LRCH1: variants seen among roughly 807,000 people sequenced by gnomAD.
The protein encoded by LRCH1 is leucine-rich repeat and calponin homology domain-containing protein 1.
In LRCH1, 23 loss-of-function variants were observed where a neutral mutation model predicts 94.9. The observed-to-expected ratio is 0.24, with a 90% CI of 0.17 to 0.34. The LOEUF is 0.34. Ranked by LOEUF, LRCH1 falls within the 10% of genes least tolerant of loss-of-function variation. The probability of loss-of-function intolerance (pLI) is 1.00; values close to 1 mark genes in which losing one functional copy is unlikely to be tolerated. For missense variants in LRCH1, 790 were observed against 945.9 expected, an observed-to-expected ratio of 0.84 and a Z score of 2.16; for synonymous variants, 364 against 354.9, an observed-to-expected ratio of 1.03 and a Z score of -0.29.
At chr13:46,692,719 A>G in intron 8 of LRCH1, 78 bp downstream of exon 8, 1 of 1,038,050 alleles carries the variant, frequency 9.6e-7, no homozygotes, top group South Asian at 1.3e-5. Context: ...GTGCACAGAT[A>G]GGGCAGTGAT....
chr13:46,668,411 TTTAG>T (rs2051550010), intron 2 of LRCH1, among the ~76,000 whole-genome samples: 1 of 152,212 alleles, frequency 6.6e-6, no homozygotes, highest in South Asian at 2.1e-4. Context: ...TTCTTTCTCT[TTTAG>T]TTAGCTCTCT....
intron 1 of LRCH1, among the ~76,000 whole-genome samples, chr13:46,575,053 G>T (rs1301414035): frequency 6.6e-6 from 1 of 152,048 alleles, no homozygotes; most frequent in African/African-American, 2.4e-5. Flanking sequence ...TGGGATAAAT[G>T]AAAAGTTCCA....
chr13:46,620,454 A>C (rs908683927), intron 1 of LRCH1, among the ~76,000 whole-genome samples: 7 of 152,158 alleles, frequency 4.6e-5, no homozygotes, highest in African/African-American at 1.7e-4. Flanking sequence ...GTGCCTTTAT[A>C]TTCAGTTATT....
In LRCH1 at chr13:46,734,141, A is replaced by G. The variant is rs1873253699; in HGVS notation, c.2085+143A>G. The G allele has an allele frequency of 3.0e-5, 13 of 438,472 alleles. No homozygotes were observed. The East Asian group carries it at 4.4e-4, about 15-fold the overall frequency. 27.2% of individuals were successfully genotyped at this position (438,472 alleles called of 1,614,324 possible). A position where few individuals can be genotyped will look rare whatever the true frequency, so the allele number is the denominator to read the frequency against. ...TGAGAAATAATATTGAATAAATTAT[A>G]TAAACTTTAACTTGCTCTATTGCAG... On this transcript the variant is annotated intron_variant, in intron 19 of 19. Transcript: ENST00000389797.
chr13:46,678,011 C>G (rs1402096308), intron 3 of LRCH1, among the ~76,000 whole-genome samples: 1 of 152,136 alleles, frequency 6.6e-6, no homozygotes, highest in African/African-American at 2.4e-5. Context: ...AGAAGGGATT[C>G]ATTTGACTAT....
chr13:46,645,034 A>G (rs1326973259), intron 1 of LRCH1, among the ~76,000 whole-genome samples: 1 of 152,184 alleles, frequency 6.6e-6, no homozygotes, highest in African/African-American at 2.4e-5. Context: ...ACAGCCAGGG[A>G]AGAAATTACT....
At chr13:46,695,133 C>T in intron 9 of LRCH1, 116 bp downstream of exon 9, 2 of 1,267,106 alleles carry the variant, frequency 1.6e-6, no homozygotes, top group Non-Finnish European at 2.2e-6. Context: ...GCTGCACCCT[C>T]CCTGAAGCGT....
intron 19 of LRCH1, among the ~76,000 whole-genome samples, chr13:46,739,517 G>A (rs1349961449): frequency 6.6e-6 from 1 of 152,018 alleles, no homozygotes; most frequent in Non-Finnish European, 1.5e-5. Flanking sequence ...CTAAATTTTG[G>A]AAAGCACAAA....
At chr13:46,667,583 A>G (rs1191952102) in intron 2 of LRCH1, among the ~76,000 whole-genome samples, 4 of 151,870 alleles carry the variant, frequency 2.6e-5, no homozygotes, top group Non-Finnish European at 4.4e-5. Context: ...TGTAAATGAC[A>G]AGTTAATGGG....
intron 1 of LRCH1, among the ~76,000 whole-genome samples, chr13:46,626,898 GA>G (rs2050957300): frequency 6.6e-6 from 1 of 152,134 alleles, no homozygotes; most frequent in East Asian, 1.9e-4. Flanking sequence ...GTAATATCCT[GA>G]CTTCCTGTTT....
chr13:46,661,366 G>A (rs972345742), intron 2 of LRCH1, among the ~76,000 whole-genome samples: 12 of 152,128 alleles, frequency 7.9e-5, no homozygotes, highest in Non-Finnish European at 1.3e-4. Context: ...TAAAATAATC[G>A]TCTTAGTGCC....
At chr13:46,588,110 A>T (rs1388018536) in intron 1 of LRCH1, among the ~76,000 whole-genome samples, 3 of 152,214 alleles carry the variant, frequency 2.0e-5, no homozygotes, top group Non-Finnish European at 2.9e-5. Flanking sequence ...ACACTGAGTT[A>T]TTTGATCTTT....
At chr13:46,594,409 A>T (rs1287923573) in intron 1 of LRCH1, among the ~76,000 whole-genome samples, 1 of 152,192 alleles carries the variant, frequency 6.6e-6, no homozygotes, top group East Asian at 1.9e-4. Context: ...GTTTTCTGCT[A>T]AGGGCTATTG....
chr13:46,616,683 C>T (rs1325770026), intron 1 of LRCH1, among the ~76,000 whole-genome samples: 2 of 152,178 alleles, frequency 1.3e-5, no homozygotes, highest in East Asian at 3.8e-4. Flanking sequence ...TTCTATGTGC[C>T]TTTTAGAGAC....
chr13:46,696,911 A>G (rs1038847517), intron 9 of LRCH1, among the ~76,000 whole-genome samples: 1 of 152,044 alleles, frequency 6.6e-6, no homozygotes, highest in Admixed American at 6.6e-5. Flanking sequence ...TCTACAAAAA[A>G]ACAAAAGCTA....
chr13:46,601,725 G>C (rs536591686), intron 1 of LRCH1, among the ~76,000 whole-genome samples: 1 of 152,164 alleles, frequency 6.6e-6, no homozygotes, highest in Non-Finnish European at 1.5e-5. Flanking sequence ...GCCCTGCTCT[G>C]TTGGGTTTCT....
At chr13:46,591,978 A>G (rs745859721) in intron 1 of LRCH1, among the ~76,000 whole-genome samples, 3 of 152,224 alleles carry the variant, frequency 2.0e-5, no homozygotes, top group Non-Finnish European at 2.9e-5. Flanking sequence ...CTTCCCTAGT[A>G]TCATATGGTA....
intron 1 of LRCH1, among the ~76,000 whole-genome samples, chr13:46,634,222 A>G (rs887658392): frequency 6.6e-6 from 1 of 152,106 alleles, no homozygotes; most frequent in African/African-American, 2.4e-5. Context: ...CCAGTCATTC[A>G]TCCACGTCAG....
In LRCH1 at chr13:46,599,857, T is replaced by C. The variant is rs535942984; in HGVS notation, c.307+46154T>C. Among the ~76,000 whole-genome samples, 53 of 152,362 alleles carry C rather than the reference T, an allele frequency of 3.5e-4. No homozygotes were observed. The South Asian group carries it at 0.011, about 31-fold the overall frequency. ...TGAAGACAGTTCAGGTTATTTGTTATGGAGATACGTAATGGGATTGGAAAA... is the reference window on the plus strand; with the variant it reads ...TGAAGACAGTTCAGGTTATTTGTTACGGAGATACGTAATGGGATTGGAAAA... On this transcript the variant is annotated intron_variant, in intron 1 of 19. Transcript: ENST00000389797.
Sources: allele counts gnomAD v4.1 joint callset (sites outside exome capture counted in the v4.1 genomes callset), GRCh38; gene constraint gnomAD v4.1.1; transcripts MANE v1.5; gene names NCBI Gene and HGNC (gene_info 2026-07-23, HGNC 2026-07-21).